Variants in PPIL1 observed in about 807,000 individuals in gnomAD.
PPIL1 encodes the protein peptidyl-prolyl cis-trans isomerase-like 1.
In PPIL1, 14 loss-of-function variants were observed where a neutral mutation model predicts 19.4. The observed-to-expected ratio is 0.72, with a 90% CI of 0.48 to 1.13. PPIL1 has a LOEUF of 1.13. Ranked by LOEUF, PPIL1 falls within the 50% of genes most tolerant of loss-of-function variation. The pLI, the probability that PPIL1 is intolerant of heterozygous loss-of-function variation, is 0.00. For missense variants in PPIL1, 192 were observed against 218.0 expected (o/e 0.88, Z 0.75); for synonymous variants, 72 against 73.6 (o/e 0.98, Z 0.11).
chr6:36,864,349 C>T (rs891288985), intron 2 of PPIL1, among the ~76,000 whole-genome samples: 1 of 152,156 alleles, frequency 6.6e-6, no homozygotes, highest in Non-Finnish European at 1.5e-5. Flanking sequence ...TGAGCTATCT[C>T]CTGCCACTCT....
chr6:36,862,875 T>C (rs1774318668), intron 2 of PPIL1, among the ~76,000 whole-genome samples: 1 of 152,198 alleles, frequency 6.6e-6, no homozygotes, highest in South Asian at 2.1e-4. Context: ...CCAAGGGGCT[T>C]TGTGGTTCTG....
rs754892786 is a variant in PPIL1 at position 36,856,616 on chromosome 6, C to T, written c.250G>A (p.Asp84Asn). ...AATTTCAAGTCTGGATGAAGTTCAT[C>T]TTCAAACTGTTTGCCATAGATAGAT... is the stretch of plus-strand genomic sequence containing the variant. ...GASIYGKQFE[D>N]ELHPDLKFTG... The change falls in exon 3 of 4, where the codon GAT becomes AAT. Residue 84 changes from aspartate to asparagine, a missense_variant. Coordinates refer to ENST00000373699, the MANE Select transcript of PPIL1 (RefSeq NM_016059.5). 3.7e-6 allele frequency: 6 copies of T among 1,614,078 alleles called. No homozygotes were observed. The African/African-American group carries it at 5.3e-5, about 14-fold the overall frequency.
At chr6:36,862,542 C>T (rs73418158) in intron 2 of PPIL1, among the ~76,000 whole-genome samples, 1,685 of 152,364 alleles carry the variant, frequency 0.011, 42 homozygotes, top group African/African-American at 0.039. Flanking sequence ...TGTCCTTCAT[C>T]TACAGCTCTT....
At position 36,855,764 on chromosome 6, in the gene PPIL1, C is replaced by T; in HGVS notation, c.*49G>A. Reference sequence around the variant, plus strand: ...CATGTCATTCTATGTCATCTAGAAGCTGGTTCACTGGGGCCATCTCAGAAG... The same window carrying T: ...CATGTCATTCTATGTCATCTAGAAGTTGGTTCACTGGGGCCATCTCAGAAG... On this transcript the variant is annotated 3_prime_UTR_variant, in exon 4 of 4. Transcript: ENST00000373699. The T allele has an allele frequency of 6.4e-7, 1 of 1,568,602 alleles. No individual in the cohort carries two copies. Among genetic ancestry groups the T allele is most frequent in the South Asian group, 1.1e-5 (1 of 90,164 alleles).
rs36097489 is a variant in PPIL1, at chr6:36,859,424, CAA to C, written c.212-2772_212-2771del. Among the ~76,000 whole-genome samples the C allele has an allele frequency of 8.1e-3, 595 of 73,194 alleles. 3 individuals are homozygous for C. Among genetic ancestry groups the C allele is most frequent in the African/African-American group, 0.029 (504 of 17,546 alleles). 48.0% of individuals were successfully genotyped at this position (73,194 alleles called of 152,430 possible). A position where few individuals can be genotyped will look rare whatever the true frequency, so the allele number is the denominator to read the frequency against. ...CAGGCAACAGAGTGAGACCCTGTCT[CAA>C]AAAAAAAAAAAAAAAAAAAAAGTCA... is the stretch of plus-strand genomic sequence containing the variant. On this transcript the variant is annotated intron_variant, in intron 2 of 3. Coordinates refer to ENST00000373699, the MANE Select transcript of PPIL1 (RefSeq NM_016059.5).
chr6:36,874,792 T>A lies in PPIL1; in HGVS notation c.-20A>T. 1.2e-6 allele frequency: 2 copies of A among 1,613,674 alleles called. No homozygotes were observed. The highest frequency in any genetic ancestry group is 1.7e-6 in the Non-Finnish European group (2 of 1,179,760). ...CGCCATAGCGAAGCCGGCGGCGGAATGCTTGTCTAGTAATTGCTACTTCCG... is the reference window on the plus strand; with the variant it reads ...CGCCATAGCGAAGCCGGCGGCGGAAAGCTTGTCTAGTAATTGCTACTTCCG... On this transcript the variant is annotated 5_prime_UTR_variant, in exon 1 of 4. Coordinates refer to ENST00000373699, the MANE Select transcript of PPIL1 (RefSeq NM_016059.5).
rs572162994 is a variant in PPIL1, at chr6:36,866,093, A to T, written c.211+5625T>A. On this transcript the variant is annotated intron_variant, in intron 2 of 3. Transcript: ENST00000373699. ...AGAGCTAAAGGAAGAACTTGACAGG[A>T]TGTTATGTCTTACAGAGAGGACAGA... 1.2e-4 allele frequency among the ~76,000 whole-genome samples: 18 copies of T among 152,374 alleles called. No homozygotes were observed. In the East Asian group the frequency reaches 3.3e-3, roughly 28 times the overall value.
intron 2 of PPIL1, among the ~76,000 whole-genome samples, chr6:36,860,798 T>A (rs966237415): frequency 5.3e-5 from 8 of 151,750 alleles, no homozygotes. Flanking sequence ...CTGTTTTGCA[T>A]GTTTTTAAGC....
At position 36,855,387 on chromosome 6, in the gene PPIL1, C is replaced by A; in HGVS notation, c.*426G>T. 1 of 223,734 alleles carries A rather than the reference C, an allele frequency of 4.5e-6. No homozygotes were observed. Among genetic ancestry groups the A allele is most frequent in the Non-Finnish European group, 9.1e-6 (1 of 110,412 alleles). 13.9% of individuals were successfully genotyped at this position (223,734 alleles called of 1,614,324 possible). ...GAGTTAAGAGGGCTGACAGACACTA[C>A]TTGGTTTGGAATTCTGTGGCTGTCA... On this transcript the variant is annotated 3_prime_UTR_variant, in exon 4 of 4. Coordinates refer to ENST00000373699, the MANE Select transcript of PPIL1 (RefSeq NM_016059.5).
intron 2 of PPIL1, chr6:36,858,629 T>G (rs1232046307): frequency 2.6e-5 from 4 of 152,230 alleles, no homozygotes; most frequent in African/African-American, 9.6e-5. Context: ...AAGAAAACAC[T>G]GTTCTCATGC....
In PPIL1 at chr6:36,855,642, A is replaced by C. The variant is rs933398264; in HGVS notation, c.*171T>G. On this transcript the variant is annotated 3_prime_UTR_variant, in exon 4 of 4. Coordinates refer to ENST00000373699, the MANE Select transcript of PPIL1 (RefSeq NM_016059.5). ...CCTAGGCACTGGGGGAAGAGAAAAG[A>C]AGCATCCTATTAAAATGTACTTCCA... is the stretch of plus-strand genomic sequence containing the variant. 6 of 657,866 alleles carry C rather than the reference A, an allele frequency of 9.1e-6. No individual in the cohort carries two copies. The highest frequency in any genetic ancestry group is 1.6e-5 in the Non-Finnish European group (6 of 385,746). 40.8% of individuals were successfully genotyped at this position (657,866 alleles called of 1,614,324 possible). A position where few individuals can be genotyped will look rare whatever the true frequency, so the allele number is the denominator to read the frequency against.
rs117093757 is a variant in PPIL1, at chr6:36,856,454, C to A, written c.280+132G>T. On this transcript the variant is annotated intron_variant, in intron 3 of 3. Transcript: ENST00000373699. ...CTGCTTTCTCTAATCCACCAGGGCA[C>A]TTCATGGCGCCATGGCTGGGCAGCT... The A allele has an allele frequency of 1.5e-5, 12 of 810,060 alleles. No homozygotes were observed. The East Asian group carries it at 2.9e-4, about 20-fold the overall frequency. 50.2% of individuals were successfully genotyped at this position (810,060 alleles called of 1,614,324 possible).
chr6:36,857,041 G>A (rs1245402912), intron 2 of PPIL1, among the ~76,000 whole-genome samples: 1 of 151,978 alleles, frequency 6.6e-6, no homozygotes, highest in Admixed American at 6.5e-5. Flanking sequence ...ACCTTTTTTT[G>A]AGTATTTTAG....
chr6:36,864,314 C>G (rs969119853), intron 2 of PPIL1, among the ~76,000 whole-genome samples: 1 of 152,050 alleles, frequency 6.6e-6, no homozygotes, highest in African/African-American at 2.4e-5. Context: ...CAACACCCCC[C>G]ACGATTGGGC....
chr6:36,870,806 TAGAC>T (rs1774494101), intron 2 of PPIL1, among the ~76,000 whole-genome samples: 4 of 152,120 alleles, frequency 2.6e-5, no homozygotes, highest in Admixed American at 2.6e-4. Flanking sequence ...TGTATTTTAG[TAGAC>T]AGAGCGTTTC....
chr6:36,867,808 T>C (rs1774424494), intron 2 of PPIL1, among the ~76,000 whole-genome samples: 1 of 152,220 alleles, frequency 6.6e-6, no homozygotes, highest in Admixed American at 6.5e-5. Context: ...CCACACCTCT[T>C]CAGGCTAGAA....
chr6:36,871,005 T>G (rs1289733861), intron 2 of PPIL1, among the ~76,000 whole-genome samples: 1 of 152,290 alleles, frequency 6.6e-6, no homozygotes, highest in Non-Finnish European at 1.5e-5. Context: ...CACATCTTAC[T>G]CAGAATAAAA....
chr6:36,874,500 G>A (rs1292168811), intron 1 of PPIL1, among the ~76,000 whole-genome samples: 1 of 152,254 alleles, frequency 6.6e-6, no homozygotes, highest in African/African-American at 2.4e-5. Flanking sequence ...AGGACAATCA[G>A]GCAGCTATTG....
At chr6:36,866,980 G>A (rs1042417425) in intron 2 of PPIL1, among the ~76,000 whole-genome samples, 7 of 152,254 alleles carry the variant, frequency 4.6e-5, no homozygotes, top group South Asian at 2.1e-4. Context: ...CAATGGTGGC[G>A]GAGAACCACA....
Sources: gnomAD v4.1 joint callset for allele counts (sites outside exome capture counted in the v4.1 genomes callset) on GRCh38, gnomAD v4.1.1 for gene constraint, MANE v1.5 for transcripts, NCBI Gene and HGNC (gene_info 2026-07-23, HGNC 2026-07-21) for gene names.